Variants in STRN observed in about 807,000 individuals in gnomAD.
STRN encodes striatin, also known as protein phosphatase 2 regulatory subunit B'''alpha.
STRN carries 53 observed loss-of-function variants against 96.3 expected under a neutral mutation model. The ratio of observed to expected loss-of-function variants is 0.55; its 90% CI spans 0.44 to 0.69. The LOEUF (loss-of-function observed/expected upper bound fraction) is 0.69. Ranked by LOEUF, STRN falls within the 30% of genes least tolerant of loss-of-function variation. The pLI, the probability that STRN is intolerant of heterozygous loss-of-function variation, is 0.00. For missense variants in STRN, 987 were observed against 963.9 expected, an observed-to-expected ratio of 1.02 and a Z score of -0.32; for synonymous variants, 428 against 355.9, an observed-to-expected ratio of 1.20 and a Z score of -2.28.
chr2:36,856,332 A>G (rs767715647), intron 14 of STRN, among the ~76,000 whole-genome samples: 3 of 152,248 alleles, frequency 2.0e-5, no homozygotes, highest in Admixed American at 6.5e-5. Context: ...ACACACCTAT[A>G]ATGAAAATAT....
At chr2:36,888,360 T>C (rs905390049) in intron 7 of STRN, among the ~76,000 whole-genome samples, 1 of 152,178 alleles carries the variant, frequency 6.6e-6, no homozygotes, top group African/African-American at 2.4e-5. Context: ...ATCCCTCCCA[T>C]GGCTCCCCAT....
At chr2:36,859,044 A>G (rs994255361) in intron 13 of STRN, among the ~76,000 whole-genome samples, 4 of 152,244 alleles carry the variant, frequency 2.6e-5, no homozygotes, top group African/African-American at 9.6e-5. Flanking sequence ...ATATGCAAGT[A>G]AATGTATAAG....
intron 3 of STRN, among the ~76,000 whole-genome samples, chr2:36,912,437 T>C (rs1406174743): frequency 6.6e-6 from 1 of 152,230 alleles, no homozygotes; most frequent in Non-Finnish European, 1.5e-5. Flanking sequence ...CAGATATTCT[T>C]CAGCCCTCTG....
At chr2:36,851,214 G>A in intron 15 of STRN, 107 bp from the exon 16 acceptor site, 1 of 932,528 alleles carries the variant, frequency 1.1e-6, no homozygotes, top group East Asian at 2.9e-5. Flanking sequence ...GCCGGCCGCG[G>A]TGGCTCACGC....
At chr2:36,952,449 G>C (rs905882123) in intron 1 of STRN, among the ~76,000 whole-genome samples, 2 of 76,926 alleles carry the variant, frequency 2.6e-5, no homozygotes, top group East Asian at 4.2e-4. Flanking sequence ...AAGCACGAGA[G>C]AAAAAAAAAA....
In STRN at chr2:36,841,113, T is replaced by A. The variant is rs1667939833; in HGVS notation, c.*8343A>T. ...TCTCTTATTTTTTAATTGTGATTAG[T>A]AGATGTGTATTCCTACGTATTCTAC... On this transcript the variant is annotated 3_prime_UTR_variant, in exon 18 of 18. Transcript: ENST00000263918. 1 of 152,084 alleles carries A rather than the reference T, an allele frequency of 6.6e-6. No homozygotes were observed. Among genetic ancestry groups the A allele is most frequent in the South Asian group, 2.1e-4 (1 of 4,832 alleles). 9.4% of individuals were successfully genotyped at this position (152,084 alleles called of 1,614,324 possible).
Position 36,965,567 on chromosome 2 carries a change from T to A in STRN, c.234+663A>T, listed in dbSNP as rs892801586. 2.6e-5 allele frequency among the ~76,000 whole-genome samples: 4 copies of A among 151,988 alleles called. No homozygotes were observed. The South Asian group carries it at 6.2e-4, about 24-fold the overall frequency. The stretch of plus-strand genomic sequence containing the variant: ...AGAACAGGAACCACCTCTTAACCAT[T>A]CTCTCTGACTGCGATCATCTAGGTC... On this transcript the variant is annotated intron_variant, in intron 1 of 17. Transcript: ENST00000263918.
chr2:36,929,778 T>C (rs1572682767), intron 1 of STRN, among the ~76,000 whole-genome samples: 1 of 152,182 alleles, frequency 6.6e-6, no homozygotes, highest in Non-Finnish European at 1.5e-5. Flanking sequence ...AAATGAAAAA[T>C]ACACAAAATT....
chr2:36,939,984 C>T (rs1242066161), intron 1 of STRN, among the ~76,000 whole-genome samples: 5 of 152,168 alleles, frequency 3.3e-5, no homozygotes, highest in South Asian at 2.1e-4. Context: ...GTACCTACCA[C>T]GTACCAAAAC....
intron 1 of STRN, among the ~76,000 whole-genome samples, chr2:36,939,370 A>G (rs1378296576): frequency 1.3e-5 from 2 of 152,110 alleles, no homozygotes; most frequent in Non-Finnish European, 2.9e-5. Flanking sequence ...CAGATACATT[A>G]ATTAGACGTG....
In STRN at chr2:36,857,850, A is replaced by G; in HGVS notation, c.1837+6T>C. 6.2e-7 allele frequency: 1 copy of G among 1,608,424 alleles called. No homozygotes were observed. Among genetic ancestry groups the G allele is most frequent in the Non-Finnish European group, 8.5e-7 (1 of 1,176,172 alleles). On this transcript the variant is annotated splice_donor_region_variant and intron_variant, in intron 14 of 17. Transcript: ENST00000263918. The stretch of plus-strand genomic sequence containing the variant: ...ATTCAGCAAAATAATTTTTTAAAGT[A>G]TGTACCTTTAGTATCATTAAATACA...
intron 1 of STRN, among the ~76,000 whole-genome samples, chr2:36,957,989 G>A (rs1020747695): frequency 1.4e-5 from 2 of 146,670 alleles, no homozygotes; most frequent in African/African-American, 2.5e-5. Flanking sequence ...GCGCGATCTT[G>A]GCTCACTGCA....
At chr2:36,912,447 G>A (rs1669987408) in intron 3 of STRN, among the ~76,000 whole-genome samples, 1 of 152,166 alleles carries the variant, frequency 6.6e-6, no homozygotes, top group South Asian at 2.1e-4. Context: ...TCAGCCCTCT[G>A]AGAATTAACC....
chr2:36,883,252 C>T (rs1669121919), intron 9 of STRN, among the ~76,000 whole-genome samples: 1 of 152,054 alleles, frequency 6.6e-6, no homozygotes, highest in Non-Finnish European at 1.5e-5. Flanking sequence ...GTCAGGAATT[C>T]GAGGCCAGCC....
chr2:36,881,436 C>T (rs68011379), intron 9 of STRN, among the ~76,000 whole-genome samples: 1 of 151,956 alleles, frequency 6.6e-6, no homozygotes, highest in African/African-American at 2.4e-5. Flanking sequence ...CCCGGCCCTG[C>T]CTTCTGAATT....
chr2:36,948,238 A>T (rs1196593386), intron 1 of STRN, among the ~76,000 whole-genome samples: 1 of 151,442 alleles, frequency 6.6e-6, no homozygotes, highest in Non-Finnish European at 1.5e-5. Flanking sequence ...AGTAGCTGGG[A>T]TTACAGGCAT....
Position 36,966,313 on chromosome 2 carries a change from C to T in STRN, c.151G>A (p.Gly51Arg). Residue 51 changes from glycine to arginine, a missense_variant, in exon 1 of 18, where the codon GGG (glycine) becomes AGG (arginine). Gly to Arg is a moderately radical substitution (Grantham distance 125, BLOSUM62 -2). Transcript: ENST00000263918. ...TCGTGCTGCAGGAAGTGCAGGATCC[C>T]CGGGAGACTGTACTGGGCTCGGGCC... Reference protein sequence around the residue: ...GAARAQYSLPGILHFLQHEWA... With the variant: ...GAARAQYSLPRILHFLQHEWA... The T allele has an allele frequency of 6.4e-7, 1 of 1,564,650 alleles. No individual in the cohort carries two copies. Among genetic ancestry groups the T allele is most frequent in the South Asian group, 1.2e-5 (1 of 86,238 alleles).
At chr2:36,884,143 A>C in intron 8 of STRN, 68 bp from the exon 9 acceptor site, 1 of 1,249,690 alleles carries the variant, frequency 8.0e-7, no homozygotes, top group Non-Finnish European at 1.0e-6. Context: ...TTGCATCAAA[A>C]TGGTATTATA....
rs555132331 is a variant in STRN, at chr2:36,862,417, CT to C, written c.1548-1165del. On this transcript the variant is annotated intron_variant, in intron 12 of 17. Transcript: ENST00000263918. ...CCACAGCCTTGCCAGCATCTGTTAT[CT>C]TTTGACCTTTTAATAACAGCCATTC... 1.8e-3 allele frequency among the ~76,000 whole-genome samples: 271 copies of C among 152,250 alleles called. 2 individuals are homozygous for C. The highest frequency in any genetic ancestry group is 6.4e-3 in the African/African-American group (267 of 41,558).
Sources: allele counts gnomAD v4.1 joint callset (sites outside exome capture counted in the v4.1 genomes callset), GRCh38; gene constraint gnomAD v4.1.1; transcripts MANE v1.5; gene names NCBI Gene and HGNC (gene_info 2026-07-23, HGNC 2026-07-21).